The following STK39 variants were observed in gnomAD, a reference collection of about 807,000 sequenced individuals.
STK39 encodes the protein STE20/SPS1-related proline-alanine-rich protein kinase.
A neutral mutation model predicts 77.8 loss-of-function variants in STK39; 20 were observed. The ratio of observed to expected loss-of-function variants is 0.26; its 90% CI spans 0.18 to 0.37. The LOEUF is 0.37. Among genes scored for constraint, STK39 ranks in the 10% least tolerant of loss-of-function variants. The pLI is 1.00. For synonymous variants in STK39, 246 were observed against 234.1 expected (o/e 1.05, Z -0.47); for missense variants, 479 against 656.5 (o/e 0.73, Z 2.95).
chr2:167,964,002 T>C (rs2105530159), intron 17 of STK39, among the ~76,000 whole-genome samples: 1 of 152,324 alleles, frequency 6.6e-6, no homozygotes, highest in South Asian at 2.1e-4. Context: ...CTTTTGACTA[T>C]CTGGACTTCT....
chr2:168,161,955 T>C, intron 4 of STK39, 113 bp from the exon 5 acceptor site: 1 of 686,104 alleles, frequency 1.5e-6, no homozygotes, highest in Non-Finnish European at 2.3e-6. Context: ...GACATAATAA[T>C]TTCATAAATA....
chr2:168,230,789 G>A (rs1690434203), intron 1 of STK39, among the ~76,000 whole-genome samples: 1 of 152,122 alleles, frequency 6.6e-6, no homozygotes, highest in South Asian at 2.1e-4. Context: ...TCCCTATCAA[G>A]TCCCTTGCCT....
At chr2:168,023,990 T>G (rs569121924) in intron 14 of STK39, among the ~76,000 whole-genome samples, 129 of 152,290 alleles carry the variant, frequency 8.5e-4, no homozygotes, top group African/African-American at 3.0e-3. Flanking sequence ...CCAGGGAATT[T>G]CAAAGGGATA....
intron 1 of STK39, among the ~76,000 whole-genome samples, chr2:168,220,494 T>C (rs1336525829): frequency 6.6e-6 from 1 of 152,150 alleles, no homozygotes; most frequent in African/African-American, 2.4e-5. Flanking sequence ...AAATGAGATG[T>C]GCATGTAAAA....
chr2:168,203,586 G>T (rs566783544), intron 1 of STK39, among the ~76,000 whole-genome samples: 1 of 152,174 alleles, frequency 6.6e-6, no homozygotes, highest in Non-Finnish European at 1.5e-5. Context: ...TGTCACCAGC[G>T]TCAGAGATGA....
At chr2:168,014,773 T>C (rs572757557) in intron 15 of STK39, among the ~76,000 whole-genome samples, 59 of 152,346 alleles carry the variant, frequency 3.9e-4, no homozygotes, top group Non-Finnish European at 7.2e-4. Context: ...TCTGGATGTG[T>C]TACCCATCAC....
chr2:168,068,337 T>C (rs1410386801), intron 12 of STK39, among the ~76,000 whole-genome samples: 1 of 152,206 alleles, frequency 6.6e-6, no homozygotes, highest in Non-Finnish European at 1.5e-5. Context: ...CAACATCTGC[T>C]TTCCAATTTT....
At chr2:168,080,583 T>A (rs1472253495) in intron 10 of STK39, among the ~76,000 whole-genome samples, 1 of 151,704 alleles carries the variant, frequency 6.6e-6, no homozygotes, top group Non-Finnish European at 1.5e-5. Context: ...TGAGCCGAGA[T>A]GGCACCACTG....
intron 1 of STK39, among the ~76,000 whole-genome samples, chr2:168,215,902 C>A (rs1403989992): frequency 2.0e-5 from 3 of 152,146 alleles, no homozygotes; most frequent in Non-Finnish European, 1.5e-5. Flanking sequence ...TGCACCTCAC[C>A]CTGCTCTCTA....
intron 10 of STK39, among the ~76,000 whole-genome samples, chr2:168,088,388 T>C (rs1427067580): frequency 6.6e-6 from 1 of 152,168 alleles, no homozygotes; most frequent in Non-Finnish European, 1.5e-5. Context: ...TGGTCTCTAT[T>C]ATCAAGGACC....
At chr2:168,132,600 T>A (rs1687727797) in intron 8 of STK39, among the ~76,000 whole-genome samples, 1 of 152,144 alleles carries the variant, frequency 6.6e-6, no homozygotes, top group Non-Finnish European at 1.5e-5. Context: ...CTTCCAAATT[T>A]TTCATAACCA....
intron 1 of STK39, among the ~76,000 whole-genome samples, chr2:168,203,829 G>A (rs1689671982): frequency 6.6e-6 from 1 of 152,210 alleles, no homozygotes; most frequent in Admixed American, 6.5e-5. Context: ...CTTGACCTCA[G>A]GTGATCCACC....
intron 1 of STK39, among the ~76,000 whole-genome samples, chr2:168,240,217 T>C (rs555819332): frequency 2.6e-5 from 4 of 152,262 alleles, no homozygotes; most frequent in Admixed American, 2.6e-4. Context: ...TTACAAGATG[T>C]GGCTGAAAAG....
intron 1 of STK39, among the ~76,000 whole-genome samples, chr2:168,220,154 C>A (rs1427736620): frequency 6.6e-6 from 1 of 152,140 alleles, no homozygotes; most frequent in Admixed American, 6.5e-5. Flanking sequence ...CTGCTGACCT[C>A]AAGCAATCCT....
At chr2:167,990,227 C>G (rs190580996) in intron 16 of STK39, among the ~76,000 whole-genome samples, 2 of 152,152 alleles carry the variant, frequency 1.3e-5, no homozygotes, top group Non-Finnish European at 2.9e-5. Flanking sequence ...GTACCTGATA[C>G]GCAGGCTCTC....
chr2:168,165,073 A>AT (rs1214652896), intron 3 of STK39, among the ~76,000 whole-genome samples: 2 of 152,238 alleles, frequency 1.3e-5, no homozygotes, highest in Non-Finnish European at 2.9e-5. Context: ...AGGAAAAAAA[A>AT]ACCTCTGTTT....
intron 10 of STK39, among the ~76,000 whole-genome samples, chr2:168,093,107 T>C (rs1266628901): frequency 1.3e-5 from 2 of 152,174 alleles, no homozygotes; most frequent in African/African-American, 4.8e-5. Flanking sequence ...TCCCAGGAAA[T>C]GTTTCCTCCC....
intron 5 of STK39, among the ~76,000 whole-genome samples, 170 bp from the exon 6 acceptor site, chr2:168,140,928 C>A (rs1687965266): frequency 6.6e-6 from 1 of 152,156 alleles, no homozygotes; most frequent in African/African-American, 2.4e-5. Context: ...CCTCTGCTAT[C>A]CCCTACACCT....
chr2:168,054,817 T>C (rs1271187911), intron 14 of STK39, among the ~76,000 whole-genome samples: 2 of 151,934 alleles, frequency 1.3e-5, no homozygotes. Context: ...ACAATACCAC[T>C]GGTTACTATG....
Sources: gnomAD v4.1 joint callset for allele counts (sites outside exome capture counted in the v4.1 genomes callset) on GRCh38, gnomAD v4.1.1 for gene constraint, MANE v1.5 for transcripts, NCBI Gene and HGNC (gene_info 2026-07-23, HGNC 2026-07-21) for gene names.